ERAP2: variants seen among roughly 807,000 people sequenced by gnomAD.
ERAP2 encodes leukocyte-derived arginine aminopeptidase.
Under a neutral mutation model 111.1 loss-of-function variants are expected in ERAP2, and 118 were observed. That is an observed-to-expected ratio of 1.06 (90% CI 0.92 to 1.24). The LOEUF (loss-of-function observed/expected upper bound fraction) is 1.24, where lower values mean the gene tolerates loss of function less well. Among genes scored for constraint, ERAP2 ranks in the 50% most tolerant of loss-of-function variants. The pLI is 0.00. For synonymous variants in ERAP2, 410 were observed against 401.2 expected (o/e 1.02, Z -0.26); for missense variants, 1,131 against 1,125.8 (o/e 1.00, Z -0.07).
At chr5:96,891,611 CATT>C (rs1280441613) in intron 5 of ERAP2, among the ~76,000 whole-genome samples, 6 of 150,798 alleles carry the variant, frequency 4.0e-5, no homozygotes, top group African/African-American at 1.5e-4. Flanking sequence ...CAAATTAGTG[CATT>C]ATACCTGAGT....
At chr5:96,880,566 A>G (rs1783019158) in intron 2 of ERAP2, among the ~76,000 whole-genome samples, 1 of 152,116 alleles carries the variant, frequency 6.6e-6, no homozygotes, top group South Asian at 2.1e-4. Flanking sequence ...GAAATAGGGA[A>G]TGCTTCTCAA....
At position 96,887,323 on chromosome 5, in the gene ERAP2, C is replaced by T. The variant is rs1484627676; in HGVS notation, c.849+534C>T. 3.7e-5 allele frequency among the ~76,000 whole-genome samples: 5 copies of T among 136,448 alleles called. No individual in the cohort carries two copies. The Admixed American group carries it at 3.9e-4, about 11-fold the overall frequency. The allele number at this position is 136,448 out of a possible 152,430, so 89.5% of individuals were successfully genotyped here. On this transcript the variant is annotated intron_variant, in intron 4 of 18. Coordinates refer to ENST00000437043, the MANE Select transcript of ERAP2 (RefSeq NM_022350.5). ...TCCGACTTTTTTTTTTTTTTTGAGACAGAGTCTCACTCTGTTGGCCAGGCT... is the reference window on the plus strand; with the variant it reads ...TCCGACTTTTTTTTTTTTTTTGAGATAGAGTCTCACTCTGTTGGCCAGGCT...
chr5:96,905,979 A>G (rs1472890475), intron 13 of ERAP2, among the ~76,000 whole-genome samples: 1 of 129,926 alleles, frequency 7.7e-6, no homozygotes, highest in Admixed American at 8.7e-5. Context: ...GGGTCTCCCT[A>G]TATTGTACAG....
Position 96,912,669 on chromosome 5 carries a change from C to T in ERAP2, c.2387C>T (p.Ser796Phe), listed in dbSNP as rs1786929992. ...IPTDVLKIVY[S>F]VGAQTTAGWN... is the part of the protein sequence containing the mutation. ...ACAGATGTTTTAAAGATTGTGTATT[C>T]TGTGGGTGCTCAGACAACAGCAGGA... The change falls in exon 16 of 19, where the codon TCT becomes TTT. Residue 796 changes from serine (S) to phenylalanine (F), a missense_variant. Ser to Phe is a radical substitution (Grantham distance 155). Around this residue, in one of 3 missense-constraint regions of ERAP2, gnomAD observed 279 missense variants for 250.9 expected, o/e 1.11. Coordinates refer to ENST00000437043, the MANE Select transcript of ERAP2 (RefSeq NM_022350.5). The T allele has an allele frequency of 1.2e-6, 2 of 1,610,538 alleles. No individual in the cohort carries two copies. Among genetic ancestry groups the T allele is most frequent in the Non-Finnish European group, 1.7e-6 (2 of 1,178,786 alleles).
chr5:96,903,248 CATT>C (rs1785677234), intron 12 of ERAP2, 126 bp from the exon 13 acceptor site: 2 of 684,086 alleles, frequency 2.9e-6, no homozygotes, highest in East Asian at 5.6e-5. Flanking sequence ...AAATGAATAT[CATT>C]ATGACTCTCC....
At chr5:96,915,971 C>A (rs2351011) in intron 18 of ERAP2, 145,810 of 385,554 alleles carry the variant, frequency 0.38, 28,485 homozygotes, top group Non-Finnish European at 0.42. Context: ...ACCTGTAATC[C>A]CACCACTTTG....
At chr5:96,881,300 T>C (rs975664049) in intron 2 of ERAP2, 12 of 407,600 alleles carry the variant, frequency 2.9e-5, no homozygotes, top group Admixed American at 5.4e-5. Context: ...GTGATGCTAA[T>C]TTGGGCCAGG....
chr5:96,909,218 G>T, intron 14 of ERAP2, 101 bp downstream of exon 14: 1 of 1,150,300 alleles, frequency 8.7e-7, no homozygotes, highest in East Asian at 2.4e-5. Flanking sequence ...GTTAAATCTG[G>T]AGCAGCTCGG....
In ERAP2 at chr5:96,900,123, T is replaced by C. The variant is rs984490546; in HGVS notation, c.1506T>C (p.Ser502=). 1.9e-6 allele frequency: 3 copies of C among 1,613,602 alleles called. No homozygotes were observed. The highest frequency in any genetic ancestry group is 1.7e-6 in the Non-Finnish European group (2 of 1,179,840). The change falls in exon 10 of 19, where the codon AGT becomes AGC. Residue 502 remains serine, a splice_region_variant and synonymous_variant. Transcript: ENST00000437043. ...NDDLWSSLSN[S]CLESDFTSGG... is the part of the protein sequence containing the mutation. ...GCTCTTTTGTTCTTGTTTTGTAGAG[T>C]TGTTTAGAAAGTGATTTTACATCTG...
In ERAP2 at chr5:96,917,727, A is replaced by T. The variant is rs1393106201; in HGVS notation, c.*122A>T. On this transcript the variant is annotated 3_prime_UTR_variant, in exon 19 of 19. Coordinates refer to ENST00000437043, the MANE Select transcript of ERAP2 (RefSeq NM_022350.5). The stretch of plus-strand genomic sequence containing the variant: ...GGAGACCATCCTGGCTAACACGGTG[A>T]GACCCCGTCTCCGCTAAAAATACAA... The T allele has an allele frequency of 7.5e-6, 5 of 668,778 alleles. No homozygotes were observed. Among genetic ancestry groups the T allele is most frequent in the Non-Finnish European group, 9.2e-6 (4 of 434,510 alleles). 41.4% of individuals were successfully genotyped at this position (668,778 alleles called of 1,614,324 possible).
At chr5:96,885,942 A>C (rs773474795) in intron 3 of ERAP2, among the ~76,000 whole-genome samples, 1 of 152,234 alleles carries the variant, frequency 6.6e-6, no homozygotes, top group Non-Finnish European at 1.5e-5. Context: ...AGAAGCTTAA[A>C]TTACTAATGA....
In ERAP2 at chr5:96,883,784, T is replaced by A. The variant is rs1396594757; in HGVS notation, c.576-8T>A. The A allele has an allele frequency of 3.7e-6, 6 of 1,608,854 alleles. No homozygotes were observed. Among genetic ancestry groups the A allele is most frequent in the Middle Eastern group, 3.3e-4 (2 of 6,044 alleles). ...GTGCATTTTGGCTGGGGGTGGGTCT[T>A]TTCACAGAATTCTTGCAGTAACAGA... On this transcript the variant is annotated splice_polypyrimidine_tract_variant and splice_region_variant and intron_variant, in intron 2 of 18. Transcript: ENST00000437043.
chr5:96,913,188 T>C, intron 16 of ERAP2, 129 bp from the exon 17 acceptor site: 1 of 697,262 alleles, frequency 1.4e-6, no homozygotes, highest in Non-Finnish European at 2.3e-6. Flanking sequence ...ATTGAAACAT[T>C]AAAAAATTGG....
In ERAP2 at chr5:96,900,200, A is replaced by G. The variant is rs564807067; in HGVS notation, c.1572+11A>G. The G allele has an allele frequency of 1.3e-5, 21 of 1,613,454 alleles. 1 individual carries two copies. In the South Asian group the frequency reaches 2.2e-4, roughly 17 times the overall value. ...ATGACAAGTAACATGGTAAGGATAA[A>G]GAGAGTCACAGAGTAGAAGAGATCT... On this transcript the variant is annotated intron_variant, in intron 10 of 18. Coordinates refer to ENST00000437043, the MANE Select transcript of ERAP2 (RefSeq NM_022350.5).
intron 17 of ERAP2, among the ~76,000 whole-genome samples, chr5:96,914,002 G>T (rs2112405656): frequency 6.6e-6 from 1 of 152,228 alleles, no homozygotes; most frequent in East Asian, 1.9e-4. Flanking sequence ...AGTCTTTTCT[G>T]GGGTTTCAAC....
At chr5:96,877,370 C>G (rs760612635) in intron 1 of ERAP2, among the ~76,000 whole-genome samples, 7 of 152,228 alleles carry the variant, frequency 4.6e-5, no homozygotes, top group Non-Finnish European at 1.0e-4. Flanking sequence ...AAGCTTTTCT[C>G]TCTACTCTTA....
intron 5 of ERAP2, among the ~76,000 whole-genome samples, chr5:96,890,995 T>C (rs1462267658): frequency 1.3e-5 from 2 of 152,168 alleles, no homozygotes; most frequent in African/African-American, 2.4e-5. Context: ...AGAGCAGATA[T>C]AAGTCCCACT....
rs187060614 is a variant in ERAP2 at position 96,894,830 on chromosome 5, C to A, written c.1126-416C>A. Among the ~76,000 whole-genome samples the A allele has an allele frequency of 1.1e-4, 17 of 152,106 alleles. No individual in the cohort carries two copies. The East Asian group carries it at 3.3e-3, about 29-fold the overall frequency. On this transcript the variant is annotated intron_variant, in intron 6 of 18. Coordinates refer to ENST00000437043, the MANE Select transcript of ERAP2 (RefSeq NM_022350.5). ...TACTTAATATAAAAAGATAACTTCA[C>A]CCAGGACACTTGGATTTATATTTCT...
At chr5:96,877,259 G>A (rs967998370) in intron 1 of ERAP2, among the ~76,000 whole-genome samples, 1 of 152,200 alleles carries the variant, frequency 6.6e-6, no homozygotes, top group African/African-American at 2.4e-5. Context: ...ACAGACCTGA[G>A]TCACTGTGCC....
Sources: allele counts gnomAD v4.1 joint callset (sites outside exome capture counted in the v4.1 genomes callset), GRCh38; gene constraint gnomAD v4.1.1; regional missense constraint gnomAD v4.1.1; transcripts MANE v1.5; gene names NCBI Gene and HGNC (gene_info 2026-07-23, HGNC 2026-07-21).